The following BGN variants were observed in gnomAD, a reference collection of about 807,000 sequenced individuals.
BGN encodes the protein biglycan.
In BGN, 6 loss-of-function variants were observed where a neutral mutation model predicts 20.0. The ratio of observed to expected loss-of-function variants is 0.30; its 90% CI spans 0.16 to 0.59. The LOEUF is 0.59. BGN is among the 20% of genes least tolerant of loss of function. The pLI, the probability that BGN is intolerant of heterozygous loss-of-function variation, is 0.88. For missense variants in BGN, 292 were observed against 312.1 expected, an observed-to-expected ratio of 0.94 and a Z score of 0.49; for synonymous variants, 146 against 134.6, an observed-to-expected ratio of 1.08 and a Z score of -0.59.
intron 1 of BGN, among the ~76,000 whole-genome samples, chrX:153,500,965 TGTGA>T (rs782488555): frequency 9.8e-5 from 11 of 112,164 alleles, no homozygotes; most frequent in South Asian, 3.7e-4. Context: ...GGTATGCATG[TGTGA>T]GTGTCTAGGT....
In BGN at chrX:153,505,981, T is replaced by A; in HGVS notation, c.470T>A (p.Leu157Gln). The A allele has an allele frequency of 8.3e-7, 1 of 1,211,544 alleles. No homozygotes were observed. The highest frequency in any genetic ancestry group is 1.8e-5 in the South Asian group (1 of 56,983). Residue 157 changes from leucine (L) to glutamine (Q), a missense_variant, in exon 4 of 8, where the codon CTA (leucine) becomes CAA (glutamine). Coordinates refer to ENST00000331595, the MANE Select transcript of BGN (RefSeq NM_001711.6). ...KNHLVEIPPN[L>Q]PSSLVELRIH... ...CACCTGGTGGAGATCCCGCCCAACC[T>A]ACCCAGCTCCCTGGTGGAGCTCCGC...
Position 153,505,959 on chromosome X carries a change from C to G in BGN, c.448C>G (p.Leu150Val). Residue 150 changes from leucine (L) to valine (V), a missense_variant, in exon 4 of 8, where the codon CTG (leucine) becomes GTG (valine). By Grantham distance (32) the Leu-to-Val change is conservative (BLOSUM62 1). Transcript: ENST00000331595. ...LQKLYISKNH[L>V]VEIPPNLPSS... is the part of the protein sequence containing the mutation. ...GAAGCTCTACATCTCCAAGAACCACCTGGTGGAGATCCCGCCCAACCTACC... is the reference window on the plus strand; with the variant it reads ...GAAGCTCTACATCTCCAAGAACCACGTGGTGGAGATCCCGCCCAACCTACC... The G allele has an allele frequency of 1.7e-5, 20 of 1,211,617 alleles. No homozygotes were observed. Among genetic ancestry groups the G allele is most frequent in the Non-Finnish European group, 2.2e-5 (20 of 895,232 alleles).
chrX:153,507,771 GCCTCGCCTGCCCACCTCCGCT>G (rs1248456148), intron 7 of BGN, among the ~76,000 whole-genome samples: 2 of 113,677 alleles, frequency 1.8e-5, no homozygotes, highest in Non-Finnish European at 3.7e-5. Flanking sequence ...CCCAGCAGGC[GCCTCGCCTGCCCACCTCCGCT>G]CCTCCCAGAG....
intron 1 of BGN, among the ~76,000 whole-genome samples, chrX:153,504,318 T>TTGC (rs2089782315): frequency 8.9e-6 from 1 of 112,399 alleles, no homozygotes; most frequent in South Asian, 3.6e-4. Context: ...GCCTGCAGAC[T>TTGC]TGCTGATGAG....
At chrX:153,498,358 G>A (rs1418059271) in intron 1 of BGN, among the ~76,000 whole-genome samples, 1 of 112,767 alleles carries the variant, frequency 8.9e-6, no homozygotes, top group African/African-American at 3.2e-5. Context: ...TTAGAAGGCA[G>A]CCCTGTCCCT....
At chrX:153,496,783 G>A (rs1023894584) in intron 1 of BGN, among the ~76,000 whole-genome samples, 7 of 112,017 alleles carry the variant, frequency 6.2e-5, no homozygotes, top group African/African-American at 1.6e-4. Context: ...AAGCTATAGC[G>A]TGTCCCTTCC....
intron 1 of BGN, chrX:153,495,422 C>G (rs1342943918): frequency 8.9e-6 from 1 of 112,333 alleles, no homozygotes; most frequent in Non-Finnish European, 1.9e-5. Context: ...CGCTCGGGGT[C>G]CGTCTTCTTG....
chrX:153,505,969 T>C lies in BGN; in HGVS notation c.458T>C (p.Ile153Thr). 1 of 1,211,291 alleles carries C rather than the reference T, an allele frequency of 8.3e-7. No individual in the cohort carries two copies. Among genetic ancestry groups the C allele is most frequent in the Non-Finnish European group, 1.1e-6 (1 of 895,333 alleles). ...LYISKNHLVE[I>T]PPNLPSSLVE... ...ATCTCCAAGAACCACCTGGTGGAGA[T>C]CCCGCCCAACCTACCCAGCTCCCTG... The change falls in exon 4 of 8, where the codon ATC (isoleucine) becomes ACC (threonine). Residue 153 changes from isoleucine (I) to threonine (T), a missense_variant. Ile to Thr is a moderately conservative substitution (Grantham distance 89, BLOSUM62 -1). Coordinates refer to ENST00000331595, the MANE Select transcript of BGN (RefSeq NM_001711.6).
In BGN at chrX:153,508,612, C is replaced by T; in HGVS notation, c.*167C>T. The T allele has an allele frequency of 1.7e-6, 1 of 595,388 alleles. No individual in the cohort carries two copies. Among genetic ancestry groups the T allele is most frequent in the South Asian group, 3.0e-5 (1 of 33,447 alleles). 49.1% of individuals were successfully genotyped at this position (595,388 alleles called of 1,213,427 possible). A position where few individuals can be genotyped will look rare whatever the true frequency, so the allele number is the denominator to read the frequency against. Reference sequence around the variant, plus strand: ...AGCTCGATGCCCCATCACCGCCTCTCCCTGGCTCCCAAGGGTGCAGGTGGG... The same window carrying T: ...AGCTCGATGCCCCATCACCGCCTCTTCCTGGCTCCCAAGGGTGCAGGTGGG... On this transcript the variant is annotated 3_prime_UTR_variant, in exon 8 of 8. Transcript: ENST00000331595.
At chrX:153,506,461 G>T in intron 4 of BGN, 68 bp from the exon 5 acceptor site, 1 of 1,004,357 alleles carries the variant, frequency 1.0e-6, no homozygotes, top group Non-Finnish European at 1.4e-6. Flanking sequence ...ACACTGGCCC[G>T]GAAGTGACAG....
rs1420396206 is a variant in BGN, at chrX:153,506,606, A to G, written c.643A>G (p.Ile215Val). ...TGGCCTGAAGCTCAACTACCTGCGC[A>G]TCTCAGAGGCCAAGCTGACTGGCAT... ...FDGLKLNYLR[I>V]SEAKLTGIPK... The change falls in exon 5 of 8, where the codon ATC becomes GTC. Residue 215 changes from isoleucine (I) to valine (V), a missense_variant. By Grantham distance (29) the Ile-to-Val change is conservative. Coordinates refer to ENST00000331595, the MANE Select transcript of BGN (RefSeq NM_001711.6). 2 of 1,209,316 alleles carry G rather than the reference A, an allele frequency of 1.7e-6. No homozygotes were observed. Among genetic ancestry groups the G allele is most frequent in the Non-Finnish European group, 2.2e-6 (2 of 894,975 alleles).
At chrX:153,506,495 C>T (rs1556993183) in intron 4 of BGN, 34 bp from the exon 5 acceptor site, 5 of 1,173,190 alleles carry the variant, frequency 4.3e-6, no homozygotes, top group Non-Finnish European at 4.6e-6. Context: ...GCAGGGACCA[C>T]CAGGCTCCCG....
rs2089828840 is a variant in BGN at position 153,509,435 on chromosome X, C to G, written c.*990C>G. 8.9e-6 allele frequency: 1 copy of G among 111,976 alleles called. No homozygotes were observed. The allele number at this position is 111,976 out of a possible 1,213,427, so 9.2% of individuals were successfully genotyped here. A position where few individuals can be genotyped will look rare whatever the true frequency, so the allele number is the denominator to read the frequency against. Reference sequence around the variant, plus strand: ...CGGTTTTCCTAGAAGCCCCTCACCCCCACTGGCCCACTGGTGGCTAGGTCT... The same window carrying G: ...CGGTTTTCCTAGAAGCCCCTCACCCGCACTGGCCCACTGGTGGCTAGGTCT... On this transcript the variant is annotated 3_prime_UTR_variant, in exon 8 of 8. Transcript: ENST00000331595.
chrX:153,498,722 T>G (rs1242488136), intron 1 of BGN, among the ~76,000 whole-genome samples: 2 of 112,401 alleles, frequency 1.8e-5, no homozygotes, highest in South Asian at 7.3e-4. Flanking sequence ...ACACCTTCCC[T>G]GGGGCCCTGA....
Position 153,508,596 on chromosome X carries a change from C to A in BGN, c.*151C>A, listed in dbSNP as rs1252607074. On this transcript the variant is annotated 3_prime_UTR_variant, in exon 8 of 8. Coordinates refer to ENST00000331595, the MANE Select transcript of BGN (RefSeq NM_001711.6). ...TCGGGTCCCTGACCCCAGCTCGATG[C>A]CCCATCACCGCCTCTCCCTGGCTCC... The A allele has an allele frequency of 3.1e-6, 2 of 646,736 alleles. No homozygotes were observed. The highest frequency in any genetic ancestry group is 2.2e-5 in the African/African-American group (1 of 44,855). The allele number at this position is 646,736 out of a possible 1,213,427, so 53.3% of individuals were successfully genotyped here. A position where few individuals can be genotyped will look rare whatever the true frequency, so the allele number is the denominator to read the frequency against.
rs186102329 is a variant in BGN at position 153,498,776 on chromosome X, G to A, written c.-12+3663G>A. On this transcript the variant is annotated intron_variant, in intron 1 of 7. Transcript: ENST00000331595. ...CGATGGCTTTTCCAGGAGACTCCCT[G>A]CAGACAGAGGCAGAGGTGAGAGGCT... 6.2e-5 allele frequency among the ~76,000 whole-genome samples: 7 copies of A among 112,395 alleles called. 1 individual carries two copies. The East Asian group carries it at 2.0e-3, about 32-fold the overall frequency.
intron 2 of BGN, 127 bp from the exon 3 acceptor site, chrX:153,505,111 C>T: frequency 6.6e-6 from 4 of 601,842 alleles, no homozygotes; most frequent in South Asian, 5.6e-5. Context: ...TGGGGCTAGT[C>T]GGCTGGATGG....
intron 3 of BGN, among the ~76,000 whole-genome samples, chrX:153,505,575 G>A (rs937476972): frequency 8.9e-6 from 1 of 112,112 alleles, no homozygotes; most frequent in African/African-American, 3.2e-5. Context: ...TCCCTTCGTG[G>A]CTGAAAACGT....
intron 7 of BGN, among the ~76,000 whole-genome samples, chrX:153,507,446 C>T (rs997765367): frequency 1.2e-4 from 14 of 112,561 alleles, no homozygotes; most frequent in Non-Finnish European, 2.4e-4. Flanking sequence ...GTGGCAGAGT[C>T]CAGGGAGTCG....
Sources: gnomAD v4.1 joint callset for allele counts (sites outside exome capture counted in the v4.1 genomes callset) on GRCh38, gnomAD v4.1.1 for gene constraint, MANE v1.5 for transcripts, NCBI Gene and HGNC (gene_info 2026-07-23, HGNC 2026-07-21) for gene names.